Variants in CLRN3 observed in about 807,000 individuals in gnomAD.
CLRN3 encodes the protein clarin-3.
In CLRN3, 12 loss-of-function variants were observed where a neutral mutation model predicts 16.7. The ratio of observed to expected loss-of-function variants is 0.72; its 90% CI spans 0.46 to 1.16. CLRN3 has a LOEUF of 1.16. Among genes scored for constraint, CLRN3 ranks in the 50% most tolerant of loss-of-function variants. The pLI is 0.00. For missense variants in CLRN3, 296 were observed against 274.2 expected (o/e 1.08, Z -0.56); for synonymous variants, 118 against 113.0 (o/e 1.04, Z -0.28).
intron 1 of CLRN3, 37 bp from the exon 2 acceptor site, chr10:127,883,912 C>T: frequency 2.5e-6 from 4 of 1,585,608 alleles, no homozygotes; most frequent in Non-Finnish European, 3.5e-6. Flanking sequence ...GCACATAATG[C>T]AAACACCAGC....
chr10:127,883,882 C>G lies in CLRN3; in HGVS notation c.230-7G>C, dbSNP rs747564008. On this transcript the variant is annotated splice_polypyrimidine_tract_variant and splice_region_variant and intron_variant, in intron 1 of 2. Coordinates refer to ENST00000368671, the MANE Select transcript of CLRN3 (RefSeq NM_152311.5). ...TTATTCAGTATCTCTAAAACTAAAA[C>G]AATGTTTTGTGAGTGCATAGCACAT... 2 of 1,613,762 alleles carry G rather than the reference C, an allele frequency of 1.2e-6. No individual in the cohort carries two copies. The highest frequency in any genetic ancestry group is 1.1e-5 in the South Asian group (1 of 91,080).
chr10:127,884,458 G>A (rs780451330), intron 1 of CLRN3, among the ~76,000 whole-genome samples: 22 of 152,230 alleles, frequency 1.4e-4, no homozygotes, highest in Non-Finnish European at 3.1e-4. Flanking sequence ...GGTGCAAATC[G>A]AGTTGTGGGT....
At chr10:127,890,922 T>C (rs1056666994) in intron 1 of CLRN3, among the ~76,000 whole-genome samples, 1 of 151,136 alleles carries the variant, frequency 6.6e-6, no homozygotes, top group Admixed American at 6.6e-5. Context: ...TCCTTAGGTG[T>C]CAACCAGAGT....
At chr10:127,884,125 T>C (rs2135080784) in intron 1 of CLRN3, among the ~76,000 whole-genome samples, 1 of 152,304 alleles carries the variant, frequency 6.6e-6, no homozygotes, top group East Asian at 1.9e-4. Context: ...GATTTTGAAG[T>C]CTCCTAGGAA....
intron 1 of CLRN3, 127 bp from the exon 2 acceptor site, chr10:127,884,002 G>A: frequency 2.4e-6 from 2 of 848,450 alleles, no homozygotes; most frequent in Non-Finnish European, 1.9e-6. Context: ...GAGATACCAG[G>A]AGCCTCCAAC....
chr10:127,879,722 A>C (rs1001652632), intron 2 of CLRN3, among the ~76,000 whole-genome samples: 2 of 152,208 alleles, frequency 1.3e-5, no homozygotes, highest in Non-Finnish European at 2.9e-5. Context: ...AGAACATACA[A>C]AAAACCATGG....
At chr10:127,880,597 G>A (rs1190717437) in intron 2 of CLRN3, among the ~76,000 whole-genome samples, 1 of 152,122 alleles carries the variant, frequency 6.6e-6, no homozygotes, top group East Asian at 1.9e-4. Context: ...GCTTCTCTCA[G>A]GGGACAATTT....
chr10:127,877,972 C>A lies in CLRN3; in HGVS notation c.*177G>T. On this transcript the variant is annotated 3_prime_UTR_variant, in exon 3 of 3. Transcript: ENST00000368671. The stretch of plus-strand genomic sequence containing the variant: ...CGACATTTCCCATTCATTTCCCCAA[C>A]CTTGTGGGAAAAATTTTCAGGAGTA... 2 of 728,026 alleles carry A rather than the reference C, an allele frequency of 2.7e-6. No homozygotes were observed. The highest frequency in any genetic ancestry group is 3.9e-5 in the South Asian group (2 of 51,592). The allele number at this position is 728,026 out of a possible 1,614,324, so 45.1% of individuals were successfully genotyped here. A position where few individuals can be genotyped will look rare whatever the true frequency, so the allele number is the denominator to read the frequency against.
chr10:127,886,242 C>T (rs924581935), intron 1 of CLRN3, among the ~76,000 whole-genome samples: 79 of 152,222 alleles, frequency 5.2e-4, no homozygotes, highest in Non-Finnish European at 8.1e-4. Context: ...AGGACGTCAT[C>T]ACTCCATTTT....
At chr10:127,886,705 G>T (rs1198407089) in intron 1 of CLRN3, among the ~76,000 whole-genome samples, 1 of 152,246 alleles carries the variant, frequency 6.6e-6, no homozygotes, top group Non-Finnish European at 1.5e-5. Flanking sequence ...GCAAGCCTCA[G>T]CTCAGTGGCA....
intron 1 of CLRN3, among the ~76,000 whole-genome samples, chr10:127,887,512 T>C (rs951774301): frequency 3.3e-5 from 5 of 152,158 alleles, no homozygotes; most frequent in Admixed American, 2.0e-4. Context: ...TGTTTGTGAC[T>C]TTTGGTAAGA....
chr10:127,884,024 C>A, intron 1 of CLRN3, 149 bp from the exon 2 acceptor site: 1 of 704,556 alleles, frequency 1.4e-6, no homozygotes, highest in Non-Finnish European at 2.5e-6. Flanking sequence ...CATGCAAGAA[C>A]AAGACCCGCA....
intron 2 of CLRN3, among the ~76,000 whole-genome samples, chr10:127,881,547 T>G (rs1416310890): frequency 6.6e-6 from 1 of 152,146 alleles, no homozygotes; most frequent in Non-Finnish European, 1.5e-5. Context: ...AATGCAGGCT[T>G]CCTTCCCCAC....
In CLRN3 at chr10:127,889,818, G is replaced by T. The variant is rs542674204; in HGVS notation, c.229+2738C>A. ...AGTGTGAGGAAACAGAGCACATTGTGCTTCCGGGGCCCTGACCACATTTTC... is the reference window on the plus strand; with the variant it reads ...AGTGTGAGGAAACAGAGCACATTGTTCTTCCGGGGCCCTGACCACATTTTC... On this transcript the variant is annotated intron_variant, in intron 1 of 2. Coordinates refer to ENST00000368671, the MANE Select transcript of CLRN3 (RefSeq NM_152311.5). 1.1e-4 allele frequency among the ~76,000 whole-genome samples: 16 copies of T among 152,274 alleles called. No homozygotes were observed. In the East Asian group the frequency reaches 2.9e-3, roughly 28 times the overall value.
At chr10:127,887,749 G>A (rs1040285392) in intron 1 of CLRN3, among the ~76,000 whole-genome samples, 2 of 152,210 alleles carry the variant, frequency 1.3e-5, no homozygotes, top group African/African-American at 4.8e-5. Flanking sequence ...TACCAAGAAT[G>A]AAATAACAAT....
intron 2 of CLRN3, among the ~76,000 whole-genome samples, chr10:127,880,448 C>G (rs1845116045): frequency 6.6e-6 from 1 of 152,190 alleles, no homozygotes; most frequent in Non-Finnish European, 1.5e-5. Flanking sequence ...CTTCGGAAGG[C>G]TCACGGACCC....
chr10:127,887,973 G>T (rs1444325241), intron 1 of CLRN3, among the ~76,000 whole-genome samples: 2 of 152,090 alleles, frequency 1.3e-5, no homozygotes, highest in Non-Finnish European at 2.9e-5. Flanking sequence ...ACGTGCTGTT[G>T]GGCAGTGGAT....
At chr10:127,887,363 G>T (rs562019107) in intron 1 of CLRN3, among the ~76,000 whole-genome samples, 1 of 152,150 alleles carries the variant, frequency 6.6e-6, no homozygotes, top group South Asian at 2.1e-4. Flanking sequence ...CTGTGTCCAA[G>T]GCCCCTGAAG....
intron 1 of CLRN3, among the ~76,000 whole-genome samples, chr10:127,889,021 G>A (rs1426793955): frequency 6.6e-6 from 1 of 152,192 alleles, no homozygotes. Flanking sequence ...TCCGCTGTAG[G>A]CAACGTGATT....
Sources: allele counts gnomAD v4.1 joint callset (sites outside exome capture counted in the v4.1 genomes callset), GRCh38; gene constraint gnomAD v4.1.1; transcripts MANE v1.5; gene names NCBI Gene and HGNC (gene_info 2026-07-23, HGNC 2026-07-21).